The following WASF2 variants were observed in gnomAD, a reference collection of about 807,000 sequenced individuals.
WASF2 encodes the protein actin-binding protein WASF2.
A neutral mutation model predicts 45.0 loss-of-function variants in WASF2; 14 were observed. The observed-to-expected ratio is 0.31, with a 90% CI of 0.21 to 0.49. The LOEUF is 0.49. Ranked by LOEUF, WASF2 falls within the 20% of genes least tolerant of loss-of-function variation. The pLI, the probability that WASF2 is intolerant of heterozygous loss-of-function variation, is 0.99. For synonymous variants in WASF2, 200 were observed against 236.3 expected, an observed-to-expected ratio of 0.85 and a Z score of 1.41; for missense variants, 439 against 636.1, an observed-to-expected ratio of 0.69 and a Z score of 3.33.
intron 1 of WASF2, among the ~76,000 whole-genome samples, chr1:27,464,276 G>A (rs1249942257): frequency 1.3e-5 from 2 of 151,822 alleles, no homozygotes; most frequent in Non-Finnish European, 2.9e-5. Context: ...AGCTATTCAG[G>A]AGGCTAAGGC....
intron 1 of WASF2, among the ~76,000 whole-genome samples, chr1:27,473,175 T>A (rs2017715922): frequency 6.6e-6 from 1 of 151,672 alleles, no homozygotes; most frequent in Non-Finnish European, 1.5e-5. Context: ...CAGATTTAAA[T>A]AGACATATAA....
At chr1:27,453,591 C>A (rs1240706723) in intron 1 of WASF2, among the ~76,000 whole-genome samples, 62 of 103,036 alleles carry the variant, frequency 6.0e-4, no homozygotes, top group Admixed American at 9.3e-4. Context: ...GACTCTGTCT[C>A]AAAAAAAAAA....
chr1:27,470,706 C>T (rs974063419), intron 1 of WASF2, among the ~76,000 whole-genome samples: 16 of 152,264 alleles, frequency 1.1e-4, no homozygotes, highest in Middle Eastern at 3.4e-3. Flanking sequence ...GCTGAACCTT[C>T]TCATTGAACC....
chr1:27,409,812 A>AAGGGGGAGGAGGGGGCCCCGGAGG lies in WASF2; in HGVS notation c.1195_1218dup (p.Pro399_Pro406dup). On this transcript the variant is annotated inframe_insertion, in exon 8 of 9. Coordinates refer to ENST00000618852, the MANE Select transcript of WASF2 (RefSeq NM_006990.5). The stretch of plus-strand genomic sequence containing the variant: ...GCAGGCTGGCCATCTGCACCAGTGA[A>AAGGGGGAGGAGGGGGCCCCGGAGG]AGGGGGAGGAGGGGGCCCCGGAGGA... The AAGGGGGAGGAGGGGGCCCCGGAGG allele has an allele frequency of 6.4e-7, 1 of 1,564,616 alleles. No individual in the cohort carries two copies. The highest frequency in any genetic ancestry group is 8.7e-7 in the Non-Finnish European group (1 of 1,155,154).
Position 27,444,809 on chromosome 1 carries a change from A to C in WASF2, c.-43-15876T>G, listed in dbSNP as rs564471005. Reference sequence around the variant, plus strand: ...TTTCACTTTAAGTACTTTGAAGGCAATACATTCTTCAAGAGACTATTATCT... The same window carrying C: ...TTTCACTTTAAGTACTTTGAAGGCACTACATTCTTCAAGAGACTATTATCT... On this transcript the variant is annotated intron_variant, in intron 1 of 8. Coordinates refer to ENST00000618852, the MANE Select transcript of WASF2 (RefSeq NM_006990.5). Among the ~76,000 whole-genome samples the C allele has an allele frequency of 2.9e-3, 447 of 152,366 alleles. 2 individuals are homozygous for C. The highest frequency in any genetic ancestry group is 9.7e-3 in the African/African-American group (404 of 41,586).
intron 1 of WASF2, among the ~76,000 whole-genome samples, chr1:27,438,498 G>A (rs898134521): frequency 1.3e-5 from 2 of 152,212 alleles, no homozygotes; most frequent in African/African-American, 4.8e-5. Flanking sequence ...TCTCTTTGCA[G>A]TAACTGCACC....
At chr1:27,479,052 C>T (rs552995361) in intron 1 of WASF2, among the ~76,000 whole-genome samples, 2 of 151,842 alleles carry the variant, frequency 1.3e-5, no homozygotes, top group Non-Finnish European at 2.9e-5. Context: ...TTTGGGAGGC[C>T]GAGGTGGGTG....
chr1:27,483,974 A>G (rs1371073898), intron 1 of WASF2, among the ~76,000 whole-genome samples: 1 of 151,604 alleles, frequency 6.6e-6, no homozygotes, highest in Non-Finnish European at 1.5e-5. Context: ...AATAACAATA[A>G]TTTTTCCCAT....
intron 1 of WASF2, among the ~76,000 whole-genome samples, chr1:27,451,812 T>C (rs554878554): frequency 2.0e-5 from 3 of 152,304 alleles, no homozygotes; most frequent in Admixed American, 2.0e-4. Flanking sequence ...CCTCAGAACA[T>C]AGTTCCAATA....
chr1:27,487,622 T>A (rs1302674178), intron 1 of WASF2, among the ~76,000 whole-genome samples: 1 of 91,936 alleles, frequency 1.1e-5, no homozygotes, highest in African/African-American at 4.8e-5. Flanking sequence ...TTATATATAT[T>A]TTATACAATA....
chr1:27,472,635 G>A (rs1364597213), intron 1 of WASF2, among the ~76,000 whole-genome samples: 2 of 123,792 alleles, frequency 1.6e-5, no homozygotes, highest in African/African-American at 6.6e-5. Flanking sequence ...GGGTGACACA[G>A]TGAAACCCCG....
intron 2 of WASF2, among the ~76,000 whole-genome samples, chr1:27,422,523 G>A (rs2016922798): frequency 6.7e-6 from 1 of 149,976 alleles, no homozygotes; most frequent in East Asian, 2.0e-4. Context: ...GGAGGCTGAG[G>A]CAGGAGAATT....
chr1:27,459,441 C>T (rs2017516427), intron 1 of WASF2: 2 of 152,024 alleles, frequency 1.3e-5, no homozygotes, highest in African/African-American at 4.8e-5. Context: ...GGCATTGAGC[C>T]ATCCTGCTGG....
chr1:27,414,770 T>C lies in WASF2; in HGVS notation c.668+63A>G, dbSNP rs2016805773. ...GGTGTGAAAGGTGTCACACCAGAGC[T>C]GTCAGACTGTTGTCCCCAGCCCCTT... is the stretch of plus-strand genomic sequence containing the variant. On this transcript the variant is annotated intron_variant, in intron 6 of 8. Coordinates refer to ENST00000618852, the MANE Select transcript of WASF2 (RefSeq NM_006990.5). This position sits in a 1 kb window ranked among gnomAD's most constrained non-coding sequence, Gnocchi z 4.1. The C allele has an allele frequency of 1.9e-6, 3 of 1,588,638 alleles. No individual in the cohort carries two copies. Among genetic ancestry groups the C allele is most frequent in the African/African-American group, 1.4e-5 (1 of 74,034 alleles).
chr1:27,462,370 A>G (rs1372794539), intron 1 of WASF2, among the ~76,000 whole-genome samples: 5 of 152,216 alleles, frequency 3.3e-5, no homozygotes. Context: ...AACAAACTAC[A>G]GTTCAATTAT....
intron 1 of WASF2, among the ~76,000 whole-genome samples, chr1:27,461,332 AGAATTAATTAATTAAT>A (rs1175080491): frequency 1.3e-5 from 2 of 152,070 alleles, no homozygotes; most frequent in African/African-American, 2.4e-5. Flanking sequence ...ATACACACAC[AGAATTAATTAATTAAT>A]GAATTAATTA....
At chr1:27,482,064 CTA>C (rs2017859075) in intron 1 of WASF2, among the ~76,000 whole-genome samples, 1 of 152,166 alleles carries the variant, frequency 6.6e-6, no homozygotes, top group Admixed American at 6.5e-5. Context: ...TAAATGGTAA[CTA>C]TTCTGAGATA....
At chr1:27,483,364 G>A (rs1468565384) in intron 1 of WASF2, among the ~76,000 whole-genome samples, 2 of 151,826 alleles carry the variant, frequency 1.3e-5, no homozygotes, top group African/African-American at 4.8e-5. Context: ...CAGTTACTCA[G>A]GAGGCTGAGG....
intron 1 of WASF2, among the ~76,000 whole-genome samples, chr1:27,455,940 C>T (rs2017460466): frequency 6.6e-6 from 1 of 152,072 alleles, no homozygotes; most frequent in Non-Finnish European, 1.5e-5. Context: ...GCTAAGCAGC[C>T]CTTCTGTCAC....
Sources: allele counts gnomAD v4.1 joint callset (sites outside exome capture counted in the v4.1 genomes callset), GRCh38; gene constraint gnomAD v4.1.1; non-coding constraint Gnocchi (gnomAD v3.1); transcripts MANE v1.5; gene names NCBI Gene and HGNC (gene_info 2026-07-23, HGNC 2026-07-21).